The following MMP24 variants were observed in gnomAD, a reference collection of about 807,000 sequenced individuals.
MMP24 encodes matrix metallopeptidase 24, also known as matrix metalloproteinase-24.
Under a neutral mutation model 62.8 loss-of-function variants are expected in MMP24, and 25 were observed. That is an observed-to-expected ratio of 0.40 (90% CI 0.29 to 0.56). The LOEUF (loss-of-function observed/expected upper bound fraction) is 0.56, where lower values mean the gene tolerates loss of function less well. Among genes scored for constraint, MMP24 ranks in the 20% least tolerant of loss-of-function variants. The pLI, the probability that MMP24 is intolerant of heterozygous loss-of-function variation, is 0.50. For missense variants in MMP24, 634 were observed against 853.6 expected (o/e 0.74, Z 3.21); for synonymous variants, 319 against 350.5 (o/e 0.91, Z 1.00).
chr20:35,259,944 G>A (rs2060593939), intron 4 of MMP24, among the ~76,000 whole-genome samples: 1 of 152,116 alleles, frequency 6.6e-6, no homozygotes, highest in Non-Finnish European at 1.5e-5. Context: ...TGACGAAGGT[G>A]CCATTGTTCC....
chr20:35,252,165 G>A (rs529460682), intron 3 of MMP24, 144 bp downstream of exon 3: 3 of 666,740 alleles, frequency 4.5e-6, no homozygotes, highest in Admixed American at 2.5e-5. Context: ...TGTGGGCATT[G>A]GCACTAGGTG....
intron 4 of MMP24, among the ~76,000 whole-genome samples, chr20:35,259,989 A>G (rs1279998545): frequency 2.0e-5 from 3 of 152,184 alleles, no homozygotes; most frequent in Non-Finnish European, 2.9e-5. Flanking sequence ...AAAATGTCAC[A>G]CTGCTAGGAC....
chr20:35,246,725 T>C lies in MMP24; in HGVS notation c.247-115T>C, dbSNP rs181478922. Reference sequence around the variant, plus strand: ...GGTGAAGGAAAAAGAACTCAGAGCATGAGTCCAGGAGTCACTGGGGTCAAA... The same window carrying C: ...GGTGAAGGAAAAAGAACTCAGAGCACGAGTCCAGGAGTCACTGGGGTCAAA... On this transcript the variant is annotated intron_variant, in intron 1 of 8. Transcript: ENST00000246186. 4.5e-4 allele frequency: 545 copies of C among 1,212,790 alleles called. 2 individuals are homozygous for C. The African/African-American group carries it at 7.4e-3, about 17-fold the overall frequency. The allele number at this position is 1,212,790 out of a possible 1,614,324, so 75.1% of individuals were successfully genotyped here.
At chr20:35,240,470 G>A (rs1385818360) in intron 1 of MMP24, among the ~76,000 whole-genome samples, 1 of 152,086 alleles carries the variant, frequency 6.6e-6, no homozygotes, top group Non-Finnish European at 1.5e-5. Context: ...AGCTGTAAAG[G>A]TTAGACTTCT....
At chr20:35,256,792 G>A (rs531053518) in intron 4 of MMP24, among the ~76,000 whole-genome samples, 75 of 151,446 alleles carry the variant, frequency 5.0e-4, no homozygotes, top group Non-Finnish European at 8.2e-4. Flanking sequence ...CTCTGGGTCC[G>A]GGGTAGGGCC....
chr20:35,251,796 G>A (rs1021765148), intron 2 of MMP24, 109 bp from the exon 3 acceptor site: 15 of 822,970 alleles, frequency 1.8e-5, no homozygotes, highest in African/African-American at 1.5e-4. Context: ...AGTGTAGCTT[G>A]AGGATGCACA....
At chr20:35,262,092 A>T (rs1022529629) in intron 4 of MMP24, among the ~76,000 whole-genome samples, 1 of 152,026 alleles carries the variant, frequency 6.6e-6, no homozygotes, top group Non-Finnish European at 1.5e-5. Context: ...GTGAGCCACC[A>T]CGCCCAGCCA....
chr20:35,233,075 T>G (rs1042938541), intron 1 of MMP24, among the ~76,000 whole-genome samples: 3 of 152,086 alleles, frequency 2.0e-5, no homozygotes, highest in Non-Finnish European at 4.4e-5. Flanking sequence ...AAGACTCAAT[T>G]CTATGCCACA....
At chr20:35,268,688 A>G (rs1045365725) in intron 6 of MMP24, among the ~76,000 whole-genome samples, 1 of 152,258 alleles carries the variant, frequency 6.6e-6, no homozygotes, top group Admixed American at 6.5e-5. Flanking sequence ...TGAACCGTTC[A>G]TAGGCAGGTC....
chr20:35,276,749 AGGGATGTGGGGCCAG>A lies in MMP24; in HGVS notation c.*2142_*2156del, dbSNP rs903333170. 1 of 154,132 alleles carries A rather than the reference AGGGATGTGGGGCCAG, an allele frequency of 6.5e-6. No homozygotes were observed. The highest frequency in any genetic ancestry group is 1.4e-5 in the Non-Finnish European group (1 of 69,098). 9.5% of individuals were successfully genotyped at this position (154,132 alleles called of 1,614,324 possible). A position where few individuals can be genotyped will look rare whatever the true frequency, so the allele number is the denominator to read the frequency against. On this transcript the variant is annotated 3_prime_UTR_variant, in exon 9 of 9. Transcript: ENST00000246186. ...GCAGGCAGCCCAGGCTGCAGAGGTG[AGGGATGTGGGGCCAG>A]GCCCAGAGGGCTCAGCCTAGAGGCT... is the stretch of plus-strand genomic sequence containing the variant.
Position 35,260,533 on chromosome 20 carries a change from C to T in MMP24, c.818-3258C>T, listed in dbSNP as rs1600796107. On this transcript the variant is annotated intron_variant, in intron 4 of 8. Coordinates refer to ENST00000246186, the MANE Select transcript of MMP24 (RefSeq NM_006690.4). ...CCCAGGTCATAGAATAGCCCAGGAG[C>T]ACAGCCAGGACTGGACCCCAGGAAG... Among the ~76,000 whole-genome samples, 4 of 152,346 alleles carry T rather than the reference C, an allele frequency of 2.6e-5. 1 individual carries two copies. The highest frequency in any genetic ancestry group is 2.6e-4 in the Admixed American group (4 of 15,312).
At chr20:35,229,916 C>T (rs1049939973) in intron 1 of MMP24, among the ~76,000 whole-genome samples, 6 of 152,120 alleles carry the variant, frequency 3.9e-5, no homozygotes, top group African/African-American at 1.4e-4. Flanking sequence ...TCATTTTCTT[C>T]TCTCTTCTCC....
rs199892177 is a variant in MMP24, at chr20:35,267,331, G to A, written c.1106G>A (p.Arg369Gln). Residue 369 changes from arginine to glutamine, a missense_variant, in exon 6 of 9, where the codon CGG becomes CAG. Physicochemically the swap from Arg to Gln is conservative, Grantham distance 43 (BLOSUM62 1). Around this residue, in one of 3 missense-constraint regions of MMP24, gnomAD observed 399 missense variants for 530.8 expected, o/e 0.75. Transcript: ENST00000246186. ...CCCCCTCGGCCGCCCCTCGGGGACC[G>A]GCCATCCACACCAGGCACCAAACCC... Reference protein sequence around the residue: ...PRPPRPPLGDRPSTPGTKPNI... With the variant: ...PRPPRPPLGDQPSTPGTKPNI... 1.0e-4 allele frequency: 164 copies of A among 1,587,854 alleles called. No individual in the cohort carries two copies. Among genetic ancestry groups the A allele is most frequent in the Admixed American group, 4.5e-4 (25 of 55,668 alleles).
At chr20:35,261,268 A>G (rs2060601279) in intron 4 of MMP24, among the ~76,000 whole-genome samples, 1 of 152,198 alleles carries the variant, frequency 6.6e-6, no homozygotes. Context: ...CTGGCGCTCC[A>G]CTGGCCTCGT....
rs762464879 is a variant in MMP24, at chr20:35,271,816, C to T, written c.1581C>T (p.Ala527=). The T allele has an allele frequency of 4.7e-5, 76 of 1,610,158 alleles. No homozygotes were observed. Among genetic ancestry groups the T allele is most frequent in the Non-Finnish European group, 6.1e-5 (72 of 1,178,890 alleles). The change falls in exon 8 of 9, where the codon GCC becomes GCT. Residue 527 remains alanine (A), a synonymous_variant. Transcript: ENST00000246186. The surrounding 1 kb of genome is among the most constrained non-coding windows in gnomAD (Gnocchi z 4.0). ...GCATCCCACAGGCTCCCCAAGGAGC[C>T]TTCATCAGCAAGGAAGGATGTACGT... is the stretch of plus-strand genomic sequence containing the variant. The part of the protein sequence containing the change: ...WKGIPQAPQG[A]FISKEGYYTY...
intron 1 of MMP24, among the ~76,000 whole-genome samples, chr20:35,237,170 A>G (rs1206402616): frequency 6.6e-6 from 1 of 152,156 alleles, no homozygotes; most frequent in African/African-American, 2.4e-5. Context: ...CCACAAACTT[A>G]TTTCTAAAAG....
intron 4 of MMP24, among the ~76,000 whole-genome samples, chr20:35,260,515 C>T (rs980347807): frequency 1.3e-5 from 2 of 152,222 alleles, no homozygotes; most frequent in Non-Finnish European, 2.9e-5. Context: ...TGTCCCAGGT[C>T]ATAGAATAGC....
At position 35,253,705 on chromosome 20, in the gene MMP24, G is replaced by A. The variant is rs555757436; in HGVS notation, c.513-745G>A. Among the ~76,000 whole-genome samples the A allele has an allele frequency of 7.9e-5, 12 of 152,182 alleles. No homozygotes were observed. In the South Asian group the frequency reaches 1.0e-3, roughly 13 times the overall value. On this transcript the variant is annotated intron_variant, in intron 3 of 8. Transcript: ENST00000246186. ...TAAATCAGATACCGGCCAGCTTCTA[G>A]GCAGACAAGCCAAAGATTGGTACCA...
chr20:35,227,021 G>A (rs1374040258), intron 1 of MMP24, 37 bp downstream of exon 1: 4 of 980,116 alleles, frequency 4.1e-6, no homozygotes, highest in Middle Eastern at 5.2e-4. Context: ...GCGGGCTCGG[G>A]GCATCCGGGC....
Sources: allele counts gnomAD v4.1 joint callset (sites outside exome capture counted in the v4.1 genomes callset), GRCh38; gene constraint gnomAD v4.1.1; regional missense constraint gnomAD v4.1.1; non-coding constraint Gnocchi (gnomAD v3.1); transcripts MANE v1.5; gene names NCBI Gene and HGNC (gene_info 2026-07-23, HGNC 2026-07-21).